The following SIL1 variants were observed in gnomAD, a reference collection of about 807,000 sequenced individuals.
SIL1 encodes SIL1 nucleotide exchange factor, also known as nucleotide exchange factor SIL1.
In SIL1, 40 loss-of-function variants were observed where a neutral mutation model predicts 49.1. The observed-to-expected ratio is 0.81, with a 90% CI of 0.63 to 1.06. SIL1 has a LOEUF of 1.06. SIL1 is among the 50% of genes least tolerant of loss of function. SIL1 has a pLI of 0.00. For missense variants in SIL1, 500 were observed against 572.6 expected (o/e 0.87, Z 1.29); for synonymous variants, 253 against 250.8 (o/e 1.01, Z -0.08).
At chr5:139,128,069 A>G (rs949037580) in intron 1 of SIL1, 5 of 575,056 alleles carry the variant, frequency 8.7e-6, no homozygotes, top group Admixed American at 6.5e-5. Context: ...AGAACCATAC[A>G]GTCGATCAGG....
At chr5:139,041,151 C>T (rs1769039694) in intron 5 of SIL1, among the ~76,000 whole-genome samples, 1 of 152,230 alleles carries the variant, frequency 6.6e-6, no homozygotes, top group Non-Finnish European at 1.5e-5. Context: ...ATGTGCTTCT[C>T]CTCAGCCCCT....
chr5:139,053,933 A>G (rs1333399415), intron 3 of SIL1, among the ~76,000 whole-genome samples: 1 of 152,178 alleles, frequency 6.6e-6, no homozygotes, highest in African/African-American at 2.4e-5. Context: ...AATGCTCACC[A>G]TTTTATCCTC....
At chr5:139,025,828 T>C (rs1183189215) in intron 6 of SIL1, among the ~76,000 whole-genome samples, 2 of 152,350 alleles carry the variant, frequency 1.3e-5, no homozygotes, top group South Asian at 2.1e-4. Flanking sequence ...ATTTTTGACT[T>C]TGTGAGCCAT....
chr5:139,084,474 A>G (rs368435781), intron 3 of SIL1, among the ~76,000 whole-genome samples: 10 of 89,584 alleles, frequency 1.1e-4, no homozygotes, highest in Non-Finnish European at 1.8e-4. Flanking sequence ...ATGAGTTCAT[A>G]TCCTTTGTAG....
rs1362023613 is a variant in SIL1 at position 138,981,951 on chromosome 5, G to A, written c.768-30067C>T. On this transcript the variant is annotated intron_variant, in intron 7 of 9. Transcript: ENST00000394817. ...TGGCTCTGACACAGTCTAGCTGGGC[G>A]ACACTAGGCAAGTACTTAACCTCCC... Among the ~76,000 whole-genome samples the A allele has an allele frequency of 3.3e-5, 5 of 152,168 alleles. No individual in the cohort carries two copies. In the East Asian group the frequency reaches 9.7e-4, roughly 29 times the overall value.
chr5:139,159,564 A>G (rs1368265044), intron 1 of SIL1, among the ~76,000 whole-genome samples: 1 of 150,006 alleles, frequency 6.7e-6, no homozygotes, highest in Non-Finnish European at 1.5e-5. Context: ...CTTCTTGGGG[A>G]AAAAAAAAAT....
At chr5:139,100,423 G>T (rs1208990381) in intron 3 of SIL1, among the ~76,000 whole-genome samples, 1 of 152,176 alleles carries the variant, frequency 6.6e-6, no homozygotes, top group Non-Finnish European at 1.5e-5. Flanking sequence ...AATGACAGAG[G>T]TAATGGTGAG....
chr5:139,123,965 G>C (rs1030757971), intron 2 of SIL1, among the ~76,000 whole-genome samples: 1 of 152,056 alleles, frequency 6.6e-6, no homozygotes, highest in African/African-American at 2.4e-5. Flanking sequence ...TCCCAGGCTG[G>C]TCTTGAACTC....
At chr5:139,052,091 C>T (rs1488573639) in intron 3 of SIL1, among the ~76,000 whole-genome samples, 3 of 152,138 alleles carry the variant, frequency 2.0e-5, no homozygotes, top group African/African-American at 7.2e-5. Flanking sequence ...AAAAATTCCT[C>T]CGAAGGAAGC....
intron 6 of SIL1, among the ~76,000 whole-genome samples, chr5:139,024,466 C>G (rs563184350): frequency 6.6e-6 from 1 of 152,312 alleles, no homozygotes; most frequent in African/African-American, 2.4e-5. Flanking sequence ...ACAGTGCATA[C>G]TCATCCTCTT....
At chr5:138,996,542 A>T in intron 7 of SIL1, among the ~76,000 whole-genome samples, 1 of 108,154 alleles carries the variant, frequency 9.2e-6, no homozygotes, top group Non-Finnish European at 1.7e-5. Context: ...TTTTTTTGAG[A>T]CAGAGTCTCA....
At chr5:139,196,076 A>G (rs141902891) in intron 1 of SIL1, among the ~76,000 whole-genome samples, 1 of 152,144 alleles carries the variant, frequency 6.6e-6, no homozygotes, top group Admixed American at 6.6e-5. Context: ...TGTAGTCCCA[A>G]CTACTCAGGA....
At chr5:139,076,993 G>T (rs1046193046) in intron 3 of SIL1, among the ~76,000 whole-genome samples, 1 of 152,084 alleles carries the variant, frequency 6.6e-6, no homozygotes, top group Non-Finnish European at 1.5e-5. Context: ...AATTAGCTGC[G>T]CATGGCAGCA....
At chr5:139,165,279 A>C (rs111510253) in intron 1 of SIL1, among the ~76,000 whole-genome samples, 1 of 152,204 alleles carries the variant, frequency 6.6e-6, no homozygotes, top group Non-Finnish European at 1.5e-5. Flanking sequence ...AAAATGTTTA[A>C]ATTTACCTAT....
intron 3 of SIL1, among the ~76,000 whole-genome samples, chr5:139,106,585 T>C (rs527933415): frequency 6.6e-6 from 1 of 152,334 alleles, no homozygotes; most frequent in Non-Finnish European, 1.5e-5. Flanking sequence ...TATGGGCTTC[T>C]GAGGGTAAAT....
intron 1 of SIL1, among the ~76,000 whole-genome samples, chr5:139,166,041 G>C (rs1438313215): frequency 6.6e-6 from 1 of 152,078 alleles, no homozygotes; most frequent in Non-Finnish European, 1.5e-5. Context: ...CGAACACCTT[G>C]GGCACATGTT....
At chr5:139,175,070 C>T (rs1289764052) in intron 1 of SIL1, among the ~76,000 whole-genome samples, 3 of 151,760 alleles carry the variant, frequency 2.0e-5, no homozygotes, top group Non-Finnish European at 4.4e-5. Flanking sequence ...ACCTGTAATC[C>T]CAGAACTTTG....
At chr5:138,951,443 G>T in intron 8 of SIL1, 108 bp from the exon 9 acceptor site, 1 of 1,169,320 alleles carries the variant, frequency 8.6e-7, no homozygotes, top group Non-Finnish European at 1.2e-6. Context: ...ATTCCTCCCG[G>T]CCCCACCTCA....
At chr5:139,166,978 A>T (rs1751636648) in intron 1 of SIL1, among the ~76,000 whole-genome samples, 1 of 151,818 alleles carries the variant, frequency 6.6e-6, no homozygotes, top group Non-Finnish European at 1.5e-5. Flanking sequence ...CCGGCTAATT[A>T]TTTTTTTGTA....
Sources: allele counts gnomAD v4.1 joint callset (sites outside exome capture counted in the v4.1 genomes callset), GRCh38; gene constraint gnomAD v4.1.1; transcripts MANE v1.5; gene names NCBI Gene and HGNC (gene_info 2026-07-23, HGNC 2026-07-21).